XKR4: variants seen among roughly 807,000 people sequenced by gnomAD.
XKR4 encodes the protein XK related 4.
In XKR4, 12 loss-of-function variants were observed where a neutral mutation model predicts 53.9. The ratio of observed to expected loss-of-function variants is 0.22; its 90% CI spans 0.14 to 0.36. XKR4 has a LOEUF of 0.36. Among genes scored for constraint, XKR4 ranks in the 10% least tolerant of loss-of-function variants. The pLI, the probability that XKR4 is intolerant of heterozygous loss-of-function variation, is 1.00. For synonymous variants in XKR4, 354 were observed against 362.4 expected (o/e 0.98, Z 0.26); for missense variants, 799 against 859.5 (o/e 0.93, Z 0.88).
chr8:55,367,761 A>T (rs930914476), intron 2 of XKR4, among the ~76,000 whole-genome samples: 13 of 152,082 alleles, frequency 8.5e-5, no homozygotes, highest in African/African-American at 2.2e-4. Context: ...CCCCCGATCC[A>T]GTCCATCAGC....
At chr8:55,463,037 C>T (rs1292338218) in intron 2 of XKR4, among the ~76,000 whole-genome samples, 2 of 152,164 alleles carry the variant, frequency 1.3e-5, no homozygotes, top group Non-Finnish European at 2.9e-5. Flanking sequence ...GAGACTTTAA[C>T]ACCCCACTGT....
chr8:55,253,514 G>C (rs748524877), intron 1 of XKR4, among the ~76,000 whole-genome samples: 2 of 152,132 alleles, frequency 1.3e-5, no homozygotes, highest in Non-Finnish European at 2.9e-5. Flanking sequence ...AAAATGAAAG[G>C]CTAGCAGTTC....
chr8:55,118,679 A>G (rs1028547688), intron 1 of XKR4, among the ~76,000 whole-genome samples: 2 of 152,246 alleles, frequency 1.3e-5, no homozygotes, highest in African/African-American at 2.4e-5. Flanking sequence ...CGTTCAAAAG[A>G]TGCTTCTCAA....
chr8:55,323,692 C>T (rs1803250892), intron 1 of XKR4, among the ~76,000 whole-genome samples: 1 of 152,158 alleles, frequency 6.6e-6, no homozygotes, highest in Non-Finnish European at 1.5e-5. Context: ...GTTTATTTCT[C>T]CTGTGTAAAT....
chr8:55,208,510 T>C (rs1487160995), intron 1 of XKR4, among the ~76,000 whole-genome samples: 1 of 152,068 alleles, frequency 6.6e-6, no homozygotes, highest in Non-Finnish European at 1.5e-5. Context: ...AGTCTTGCTG[T>C]ATCACCCAGG....
At chr8:55,289,656 AG>A (rs1281504918) in intron 1 of XKR4, among the ~76,000 whole-genome samples, 160 of 127,072 alleles carry the variant, frequency 1.3e-3, no homozygotes, top group African/African-American at 3.2e-3. Flanking sequence ...AAAGGAAGGA[AG>A]GAAAAGAAAA....
intron 2 of XKR4, among the ~76,000 whole-genome samples, chr8:55,510,953 A>G (rs963003907): frequency 2.0e-5 from 3 of 152,182 alleles, no homozygotes; most frequent in African/African-American, 7.2e-5. Flanking sequence ...CAGCCAGTCC[A>G]ACCATTAGAG....
chr8:55,437,886 T>C (rs567590963), intron 2 of XKR4, among the ~76,000 whole-genome samples: 1 of 151,826 alleles, frequency 6.6e-6, no homozygotes, highest in South Asian at 2.1e-4. Context: ...AACTAGGGAA[T>C]TGGGTGAGAC....
intron 1 of XKR4, among the ~76,000 whole-genome samples, chr8:55,103,587 C>T (rs1020038786): frequency 2.0e-5 from 3 of 151,918 alleles, no homozygotes; most frequent in Admixed American, 6.6e-5. Flanking sequence ...TGCCACAACC[C>T]CCCTCCCCGC....
intron 1 of XKR4, among the ~76,000 whole-genome samples, chr8:55,307,880 C>G (rs1354849779): frequency 6.6e-6 from 1 of 152,172 alleles, no homozygotes; most frequent in Non-Finnish European, 1.5e-5. Context: ...GCCACTCTAG[C>G]AAACAGCTTG....
intron 2 of XKR4, among the ~76,000 whole-genome samples, chr8:55,442,249 G>A (rs2939626): frequency 0.57 from 85,823 of 151,830 alleles, 26,041 homozygotes; most frequent in African/African-American, 0.79. Context: ...GGAAAAATAC[G>A]TATTATAAAA....
chr8:55,140,111 A>T (rs566065634), intron 1 of XKR4: 5 of 419,894 alleles, frequency 1.2e-5, no homozygotes, highest in African/African-American at 6.2e-5. Context: ...TTACCAGGTG[A>T]ATTTCTTTTA....
intron 1 of XKR4, among the ~76,000 whole-genome samples, chr8:55,290,253 C>T (rs979402523): frequency 3.2e-4 from 48 of 151,704 alleles, no homozygotes; most frequent in African/African-American, 1.1e-3. Context: ...CCTCAGCCTC[C>T]GGAGTAGCTG....
At chr8:55,475,871 G>T (rs1405213892) in intron 2 of XKR4, among the ~76,000 whole-genome samples, 6 of 151,934 alleles carry the variant, frequency 3.9e-5, no homozygotes, top group African/African-American at 1.5e-4. Flanking sequence ...AAAGTGCTGG[G>T]ATTACAGGCA....
intron 1 of XKR4, among the ~76,000 whole-genome samples, chr8:55,171,896 G>A (rs1817164152): frequency 6.6e-6 from 1 of 152,010 alleles, no homozygotes; most frequent in African/African-American, 2.4e-5. Context: ...TGTCCTTCTT[G>A]CCCCACTGCC....
intron 2 of XKR4, chr8:55,451,531 A>G: frequency 9.7e-7 from 1 of 1,029,154 alleles, no homozygotes; most frequent in South Asian, 1.4e-5. Context: ...GAGTCCGACT[A>G]CACCTATGCC....
chr8:55,454,259 A>G (rs1409166785), intron 2 of XKR4: 11 of 1,295,928 alleles, frequency 8.5e-6, no homozygotes, highest in South Asian at 2.4e-5. Flanking sequence ...ATCAGCTACA[A>G]TCACGTCTAG....
At chr8:55,317,996 C>A (rs755031550) in intron 1 of XKR4, among the ~76,000 whole-genome samples, 3 of 152,198 alleles carry the variant, frequency 2.0e-5, no homozygotes, top group Non-Finnish European at 4.4e-5. Context: ...CACTGTAATT[C>A]ATTCACAGGA....
intron 2 of XKR4, among the ~76,000 whole-genome samples, chr8:55,479,034 T>C (rs1255672805): frequency 6.6e-6 from 1 of 152,060 alleles, no homozygotes; most frequent in East Asian, 1.9e-4. Flanking sequence ...TGAACTCAGC[T>C]CTGCACCACG....
Sources: allele counts gnomAD v4.1 joint callset (sites outside exome capture counted in the v4.1 genomes callset), GRCh38; gene constraint gnomAD v4.1.1; transcripts MANE v1.5; gene names NCBI Gene and HGNC (gene_info 2026-07-23, HGNC 2026-07-21).